The following STXBP5L variants were observed in gnomAD, a reference collection of about 807,000 sequenced individuals.
The protein encoded by STXBP5L is syntaxin-binding protein 5-like.
STXBP5L carries 65 observed loss-of-function variants against 144.5 expected under a neutral mutation model. That is an observed-to-expected ratio of 0.45 (90% CI 0.37 to 0.55). The LOEUF (loss-of-function observed/expected upper bound fraction) is 0.55. Ranked by LOEUF, STXBP5L falls within the 20% of genes least tolerant of loss-of-function variation. The pLI, the probability that STXBP5L is intolerant of heterozygous loss-of-function variation, is 0.00. For missense variants in STXBP5L, 1,298 were observed against 1,405.5 expected (o/e 0.92, Z 1.22); for synonymous variants, 505 against 469.6 (o/e 1.08, Z -0.97).
chr3:121,216,105 A>C (rs1349971366), intron 10 of STXBP5L, among the ~76,000 whole-genome samples: 1 of 152,024 alleles, frequency 6.6e-6, no homozygotes, highest in Non-Finnish European at 1.5e-5. Context: ...CCTTTTTTCA[A>C]GGTTCTTAGC....
chr3:121,006,613 T>C (rs968066541), intron 3 of STXBP5L, among the ~76,000 whole-genome samples: 7 of 152,234 alleles, frequency 4.6e-5, no homozygotes, highest in Non-Finnish European at 1.5e-5. Context: ...CTGGTTATTT[T>C]GCTTGTTAGT....
At chr3:121,037,461 G>T (rs939549708) in intron 3 of STXBP5L, among the ~76,000 whole-genome samples, 3 of 151,922 alleles carry the variant, frequency 2.0e-5, no homozygotes, top group African/African-American at 7.3e-5. Flanking sequence ...TTGCTATGTT[G>T]CCCAGGCTGG....
chr3:121,407,768 G>C (rs2047028228), intron 23 of STXBP5L, 165 bp downstream of exon 23: 1 of 1,021,530 alleles, frequency 9.8e-7, no homozygotes, highest in East Asian at 2.8e-5. Context: ...TGAGAGTTTG[G>C]GGGTTTTGTG....
intron 5 of STXBP5L, among the ~76,000 whole-genome samples, chr3:121,106,592 CATAGT>C (rs2043723619): frequency 6.6e-6 from 1 of 152,094 alleles, no homozygotes; most frequent in Admixed American, 6.5e-5. Flanking sequence ...TTTTTGGCTG[CATAGT>C]ATTCCATGGT....
chr3:121,313,433 C>T lies in STXBP5L; in HGVS notation c.2111-5042C>T, dbSNP rs1165500077. Among the ~76,000 whole-genome samples, 76 of 99,722 alleles carry T rather than the reference C, an allele frequency of 7.6e-4. 1 individual carries two copies. Among genetic ancestry groups the T allele is most frequent in the African/African-American group, 3.0e-3 (69 of 23,156 alleles). The allele number at this position is 99,722 out of a possible 152,430, so 65.4% of individuals were successfully genotyped here. On this transcript the variant is annotated intron_variant, in intron 19 of 26. Coordinates refer to ENST00000471454, the MANE Select transcript of STXBP5L (RefSeq NM_001308330.2). Reference sequence around the variant, plus strand: ...CTCCCGGACTGGGCGGCTGGCCGGGCGGGGGGCTGACCCCCCCACCTCCCT... The same window carrying T: ...CTCCCGGACTGGGCGGCTGGCCGGGTGGGGGGCTGACCCCCCCACCTCCCT...
chr3:121,324,477 T>A, intron 20 of STXBP5L: 1 of 678,496 alleles, frequency 1.5e-6, no homozygotes, highest in Non-Finnish European at 2.6e-6. Context: ...AATAGTTTTA[T>A]ATTCCCTTCC....
intron 2 of STXBP5L, among the ~76,000 whole-genome samples, chr3:120,945,006 G>A (rs1710773703): frequency 6.6e-6 from 1 of 151,836 alleles, no homozygotes; most frequent in African/African-American, 2.4e-5. Context: ...AACAATGAGA[G>A]TTGCTCCATA....
chr3:121,062,042 G>A (rs1189806940), intron 5 of STXBP5L, among the ~76,000 whole-genome samples: 1 of 152,198 alleles, frequency 6.6e-6, no homozygotes, highest in African/African-American at 2.4e-5. Context: ...GTTAGTTGAT[G>A]TAGTTTCTTC....
intron 5 of STXBP5L, 110 bp from the exon 6 acceptor site, chr3:121,114,815 A>G: frequency 3.2e-6 from 2 of 617,998 alleles, no homozygotes; most frequent in Non-Finnish European, 5.2e-6. Flanking sequence ...TTGAGTATAT[A>G]GTACATTTTA....
chr3:120,989,029 A>AAT (rs1942576119), intron 3 of STXBP5L, among the ~76,000 whole-genome samples: 1 of 152,086 alleles, frequency 6.6e-6, no homozygotes, highest in African/African-American at 2.4e-5. Context: ...TATTCCATGG[A>AAT]ATATATATAC....
chr3:121,265,556 A>G (rs2050534205), intron 18 of STXBP5L, among the ~76,000 whole-genome samples: 1 of 152,198 alleles, frequency 6.6e-6, no homozygotes, highest in Admixed American at 6.5e-5. Flanking sequence ...ATCACAATAA[A>G]AAGAGCTAGA....
At chr3:121,128,958 A>G (rs933532346) in intron 7 of STXBP5L, among the ~76,000 whole-genome samples, 2 of 152,122 alleles carry the variant, frequency 1.3e-5, no homozygotes, top group South Asian at 4.1e-4. Context: ...AACATCTGTG[A>G]TTGTTTGCAG....
intron 6 of STXBP5L, among the ~76,000 whole-genome samples, chr3:121,116,035 G>T (rs1312642729): frequency 6.6e-6 from 1 of 152,056 alleles, no homozygotes; most frequent in Non-Finnish European, 1.5e-5. Context: ...AACATTTAGG[G>T]ATTACAATTC....
rs35656223 is a variant in STXBP5L at position 120,984,632 on chromosome 3, C to CTTTTT, written c.287+29613_287+29617dup. Among the ~76,000 whole-genome samples, 169 of 71,964 alleles carry CTTTTT rather than the reference C, an allele frequency of 2.3e-3. 10 individuals carry two copies. Among genetic ancestry groups the CTTTTT allele is most frequent in the African/African-American group, 8.5e-3 (138 of 16,290 alleles). 47.2% of individuals were successfully genotyped at this position (71,964 alleles called of 152,430 possible). On this transcript the variant is annotated intron_variant, in intron 3 of 26. Coordinates refer to ENST00000471454, the MANE Select transcript of STXBP5L (RefSeq NM_001308330.2). ...TGGATGCCTTTCATTTCTTTCTTTC[C>CTTTTT]TTTTTTTTTTTTTTTTTTTTTTGCC...
intron 11 of STXBP5L, among the ~76,000 whole-genome samples, chr3:121,230,549 A>G (rs1257225317): frequency 6.6e-6 from 1 of 151,884 alleles, no homozygotes; most frequent in Non-Finnish European, 1.5e-5. Context: ...CAAATCAACA[A>G]TCTTAGACTA....
At chr3:120,933,585 T>C (rs535872416) in intron 2 of STXBP5L, among the ~76,000 whole-genome samples, 3 of 152,194 alleles carry the variant, frequency 2.0e-5, no homozygotes, top group Non-Finnish European at 4.4e-5. Flanking sequence ...GAATTAATCA[T>C]ACTCAGAAAC....
At chr3:121,193,511 A>T (rs2047792057) in intron 9 of STXBP5L, among the ~76,000 whole-genome samples, 1 of 152,154 alleles carries the variant, frequency 6.6e-6, no homozygotes, top group Non-Finnish European at 1.5e-5. Flanking sequence ...TAATATAAAG[A>T]AACATGTACA....
chr3:121,124,404 G>C lies in STXBP5L; in HGVS notation c.669+2700G>C, dbSNP rs144042629. The stretch of plus-strand genomic sequence containing the variant: ...TGTATAACTTATAGAAAATTTACAT[G>C]TTAAGATATGGGTGTTCCATCTATA... On this transcript the variant is annotated intron_variant, in intron 7 of 26. Transcript: ENST00000471454. Among the ~76,000 whole-genome samples the C allele has an allele frequency of 5.0e-3, 763 of 151,960 alleles. 8 individuals carry two copies. Among genetic ancestry groups the C allele is most frequent in the African/African-American group, 0.017 (718 of 41,512 alleles).
At chr3:121,096,544 T>C (rs1302484108) in intron 5 of STXBP5L, among the ~76,000 whole-genome samples, 2 of 152,156 alleles carry the variant, frequency 1.3e-5, no homozygotes, top group Non-Finnish European at 2.9e-5. Flanking sequence ...GGTCTTTGAG[T>C]GGATGTGCTA....
Sources: allele counts gnomAD v4.1 joint callset (sites outside exome capture counted in the v4.1 genomes callset), GRCh38; gene constraint gnomAD v4.1.1; transcripts MANE v1.5; gene names NCBI Gene and HGNC (gene_info 2026-07-23, HGNC 2026-07-21).